SIK2: variants seen among roughly 807,000 people sequenced by gnomAD.
SIK2 encodes serine/threonine-protein kinase SIK2.
In SIK2, 29 loss-of-function variants were observed where a neutral mutation model predicts 103.2. The observed-to-expected ratio is 0.28, with a 90% CI of 0.21 to 0.38. SIK2 has a LOEUF of 0.38. Ranked by LOEUF, SIK2 falls within the 10% of genes least tolerant of loss-of-function variation. SIK2 has a pLI of 1.00. For missense variants in SIK2, 879 were observed against 1,171.0 expected (o/e 0.75, Z 3.64); for synonymous variants, 412 against 446.1 (o/e 0.92, Z 0.96).
intron 3 of SIK2, among the ~76,000 whole-genome samples, chr11:111,627,089 G>T (rs546811097): frequency 1.3e-5 from 2 of 152,168 alleles, no homozygotes; most frequent in South Asian, 2.1e-4. Flanking sequence ...AAAAATTGTT[G>T]CCTATATATG....
chr11:111,674,602 A>T (rs1942676067), intron 3 of SIK2, among the ~76,000 whole-genome samples: 1 of 152,264 alleles, frequency 6.6e-6, no homozygotes, highest in Admixed American at 6.5e-5. Context: ...ATGCATGTAT[A>T]ATAGTTAAGG....
chr11:111,638,197 C>T (rs1010853196), intron 3 of SIK2, among the ~76,000 whole-genome samples: 3 of 152,176 alleles, frequency 2.0e-5, no homozygotes, highest in African/African-American at 4.8e-5. Context: ...GGAATGCTAA[C>T]GCATGTCAGT....
In SIK2 at chr11:111,723,999, G is replaced by A; in HGVS notation, c.2651G>A (p.Arg884Lys). 1 of 1,614,200 alleles carries A rather than the reference G, an allele frequency of 6.2e-7. No individual in the cohort carries two copies. Among genetic ancestry groups the A allele is most frequent in the Non-Finnish European group, 8.5e-7 (1 of 1,180,042 alleles). The change falls in exon 15 of 15, where the codon AGA (arginine) becomes AAA (lysine). Residue 884 changes from arginine (R) to lysine (K), a missense_variant. Around this residue, in one of 7 missense-constraint regions of SIK2, gnomAD observed 375 missense variants for 416.3 expected, o/e 0.90. Transcript: ENST00000304987. ...GACCTAACGGGGCCAGACTGTCCCA[G>A]AAGCCCAGGACTGCAAGAGGCCCCC... The part of the protein sequence containing the change: ...QSDLTGPDCP[R>K]SPGLQEAPSS...
intron 3 of SIK2, among the ~76,000 whole-genome samples, chr11:111,648,658 T>C (rs1255152850): frequency 6.6e-6 from 1 of 151,986 alleles, no homozygotes; most frequent in African/African-American, 2.4e-5. Context: ...TATATATATA[T>C]ATTTTCACAG....
chr11:111,726,967 A>C lies in SIK2; in HGVS notation c.*2838A>C. The C allele has an allele frequency of 6.2e-7, 1 of 1,613,388 alleles. No individual in the cohort carries two copies. Among genetic ancestry groups the C allele is most frequent in the Non-Finnish European group, 8.5e-7 (1 of 1,179,322 alleles). ...GTTCTTTTTTTAAATCTGGGGTATT[A>C]GTCTGTGCTTTGGGAGAAATGCACT... On this transcript the variant is annotated 3_prime_UTR_variant, in exon 15 of 15. Transcript: ENST00000304987.
rs1941598149 is a variant in SIK2 at position 111,602,600 on chromosome 11, G to A, written c.37G>A (p.Gly13Arg). The A allele has an allele frequency of 6.5e-7, 1 of 1,532,798 alleles. No homozygotes were observed. Among genetic ancestry groups the A allele is most frequent in the Non-Finnish European group, 8.8e-7 (1 of 1,139,606 alleles). 94.9% of individuals were successfully genotyped at this position (1,532,798 alleles called of 1,614,324 possible). A position where few individuals can be genotyped will look rare whatever the true frequency, so the allele number is the denominator to read the frequency against. ...GGATGGCCCGAGGCACTTGCAGCGCGGGCCGGTCCGGGTGGGGTTCTACGA... is the reference window on the plus strand; with the variant it reads ...GGATGGCCCGAGGCACTTGCAGCGCAGGCCGGTCCGGGTGGGGTTCTACGA... ...MADGPRHLQRGPVRVGFYDIE... is the reference protein window; with the variant it reads ...MADGPRHLQRRPVRVGFYDIE... The change falls in exon 1 of 15, where the codon GGG becomes AGG. Residue 13 changes from glycine (G) to arginine (R), a missense_variant. Gly to Arg is a moderately radical substitution (Grantham distance 125, BLOSUM62 -2). Around this residue, in one of 7 missense-constraint regions of SIK2, gnomAD observed 47 missense variants for 43.9 expected, o/e 1.07. Transcript: ENST00000304987. This position sits in a 1 kb window ranked among gnomAD's most constrained non-coding sequence, Gnocchi z 4.5.
intron 3 of SIK2, 84 bp from the exon 4 acceptor site, chr11:111,687,917 T>C: frequency 6.6e-7 from 1 of 1,519,142 alleles, no homozygotes; most frequent in Non-Finnish European, 8.9e-7. Context: ...AAAAAAAACT[T>C]TTTGAGGAAA....
intron 3 of SIK2, among the ~76,000 whole-genome samples, chr11:111,620,866 CA>C (rs1228431593): frequency 2.0e-5 from 3 of 152,148 alleles, no homozygotes; most frequent in Non-Finnish European, 4.4e-5. Context: ...AGACCTCAGG[CA>C]AATCACTAAA....
intron 8 of SIK2, among the ~76,000 whole-genome samples, chr11:111,711,547 T>C (rs1353384813): frequency 6.6e-6 from 1 of 152,250 alleles, no homozygotes; most frequent in East Asian, 1.9e-4. Flanking sequence ...AAAACATAGC[T>C]TGCAGTAAGC....
intron 1 of SIK2, among the ~76,000 whole-genome samples, chr11:111,609,897 G>A (rs1941697553): frequency 6.6e-6 from 1 of 152,186 alleles, no homozygotes; most frequent in Non-Finnish European, 1.5e-5. Flanking sequence ...AAGGTCTAAT[G>A]TATGGTATGA....
rs1942886436 is a variant in SIK2, at chr11:111,688,941, A to AGTATATACAAACT, written c.478+781_478+793dup. ...ACAGTATGATAGTTGCAATTTTAAA[A>AGTATATACAAACT]GTATATACAAACTGCATGGGAGTAT... On this transcript the variant is annotated intron_variant, in intron 4 of 14. Transcript: ENST00000304987. The surrounding 1 kb of genome is among the most constrained non-coding windows in gnomAD (Gnocchi z 4.2). Among the ~76,000 whole-genome samples the AGTATATACAAACT allele has an allele frequency of 6.6e-6, 1 of 152,256 alleles. No homozygotes were observed. Among genetic ancestry groups the AGTATATACAAACT allele is most frequent in the Non-Finnish European group, 1.5e-5 (1 of 68,046 alleles).
chr11:111,699,033 T>A (rs1201398713), intron 4 of SIK2, among the ~76,000 whole-genome samples: 1 of 152,182 alleles, frequency 6.6e-6, no homozygotes, highest in Non-Finnish European at 1.5e-5. Context: ...AATATATATA[T>A]CTGTATGTGT....
At position 111,727,735 on chromosome 11, in the gene SIK2, G is replaced by A. The variant is rs1156378485; in HGVS notation, c.*3606G>A. 2 of 152,386 alleles carry A rather than the reference G, an allele frequency of 1.3e-5. No individual in the cohort carries two copies. Among genetic ancestry groups the A allele is most frequent in the African/African-American group, 2.4e-5 (1 of 41,450 alleles). The allele number at this position is 152,386 out of a possible 1,614,324, so 9.4% of individuals were successfully genotyped here. A position where few individuals can be genotyped will look rare whatever the true frequency, so the allele number is the denominator to read the frequency against. On this transcript the variant is annotated 3_prime_UTR_variant, in exon 15 of 15. Transcript: ENST00000304987. Reference sequence around the variant, plus strand: ...GGAGAAGGATATTCTCAGCTCCAGAGTGATTAGGTGATCAGCCAGAAACTA... The same window carrying A: ...GGAGAAGGATATTCTCAGCTCCAGAATGATTAGGTGATCAGCCAGAAACTA...
At chr11:111,615,288 T>TAAAA (rs372263613) in intron 1 of SIK2, among the ~76,000 whole-genome samples, 1 of 134,370 alleles carries the variant, frequency 7.4e-6, no homozygotes. Context: ...CCATCTGCAT[T>TAAAA]AAAAAAAAAA....
At chr11:111,672,280 GC>G in intron 3 of SIK2, 1 of 394,346 alleles carries the variant, frequency 2.5e-6, no homozygotes, top group Non-Finnish European at 4.6e-6. Context: ...TGCTGCTGTT[GC>G]CCACCAGGAG....
At chr11:111,694,758 G>A (rs1198541549) in intron 4 of SIK2, among the ~76,000 whole-genome samples, 1 of 152,186 alleles carries the variant, frequency 6.6e-6, no homozygotes, top group Non-Finnish European at 1.5e-5. Flanking sequence ...TCCACAGTAA[G>A]CTGGGAATAT....
intron 3 of SIK2, among the ~76,000 whole-genome samples, chr11:111,682,618 T>A (rs967253937): frequency 1.1e-4 from 16 of 152,188 alleles, no homozygotes; most frequent in Admixed American, 2.6e-4. Flanking sequence ...TTGCTTTATG[T>A]TACATGAGGA....
chr11:111,647,477 G>T (rs1198056061), intron 3 of SIK2, among the ~76,000 whole-genome samples: 1 of 147,658 alleles, frequency 6.8e-6, no homozygotes, highest in East Asian at 2.0e-4. Context: ...CAAAAAATAC[G>T]CCAGGCATGT....
intron 7 of SIK2, 40 bp downstream of exon 7, chr11:111,703,463 C>G: frequency 6.3e-7 from 1 of 1,581,556 alleles, no homozygotes; most frequent in Non-Finnish European, 8.7e-7. Flanking sequence ...CTGCACTTAG[C>G]TACTTGAAAT....
Sources: gnomAD v4.1 joint callset for allele counts (sites outside exome capture counted in the v4.1 genomes callset) on GRCh38, gnomAD v4.1.1 for gene constraint, gnomAD v4.1.1 regional missense constraint, Gnocchi (gnomAD v3.1) non-coding constraint, MANE v1.5 for transcripts, NCBI Gene and HGNC (gene_info 2026-07-23, HGNC 2026-07-21) for gene names.